The following PCDHGA6 variants were observed in gnomAD, a reference collection of about 807,000 sequenced individuals.
The protein encoded by PCDHGA6 is protocadherin gamma-A6.
In PCDHGA6, 41 loss-of-function variants were observed where a neutral mutation model predicts 60.6. The observed-to-expected ratio is 0.68, with a 90% CI of 0.53 to 0.88. The LOEUF (loss-of-function observed/expected upper bound fraction) is 0.88, where lower values mean the gene tolerates loss of function less well. Ranked by LOEUF, PCDHGA6 falls within the 40% of genes least tolerant of loss-of-function variation. The probability of loss-of-function intolerance (pLI) is 0.00; values close to 1 mark genes in which losing one functional copy is unlikely to be tolerated. For missense variants in PCDHGA6, 1,312 were observed against 1,203.0 expected (o/e 1.09, Z -1.34); for synonymous variants, 594 against 524.4 (o/e 1.13, Z -1.81).
chr5:141,478,799 CTT>C, intron 1 of PCDHGA6: 1 of 1,463,738 alleles, frequency 6.8e-7, no homozygotes, highest in Non-Finnish European at 9.0e-7. Flanking sequence ...CCTCAGCACT[CTT>C]TTGCTATCAC....
intron 1 of PCDHGA6, chr5:141,394,168 T>A (rs1291860578): frequency 1.7e-5 from 27 of 1,613,634 alleles, no homozygotes; most frequent in Non-Finnish European, 2.2e-5. Flanking sequence ...CCTCCTACTT[T>A]CCCTCATGCC....
In PCDHGA6 at chr5:141,393,293, G is replaced by A. The variant is rs774531655; in HGVS notation, c.2424+16786G>A. On this transcript the variant is annotated intron_variant, in intron 1 of 3. Coordinates refer to ENST00000517434, the MANE Select transcript of PCDHGA6 (RefSeq NM_018919.3). ...ATCCACTCCCAGAAGCTGTTGACCC[G>A]GATGTGGGCGTGAACTCCCTCCAGA... 6.2e-6 allele frequency: 10 copies of A among 1,613,918 alleles called. No homozygotes were observed. The Admixed American group carries it at 8.3e-5, about 13-fold the overall frequency.
chr5:141,431,709 T>C lies in PCDHGA6; in HGVS notation c.2424+55202T>C. On this transcript the variant is annotated intron_variant, in intron 1 of 3. Coordinates refer to ENST00000517434, the MANE Select transcript of PCDHGA6 (RefSeq NM_018919.3). This position sits in a 1 kb window ranked among gnomAD's most constrained non-coding sequence, Gnocchi z 4.8. ...CACGAGGAGTCAGGATTCTACCAGA[T>C]GGAAGTGCAAGCAATGGATAATGCA... The C allele has an allele frequency of 6.2e-7, 1 of 1,614,168 alleles. No individual in the cohort carries two copies. Among genetic ancestry groups the C allele is most frequent in the Non-Finnish European group, 8.5e-7 (1 of 1,180,018 alleles).
At chr5:141,446,461 A>G (rs1273508266) in intron 1 of PCDHGA6, among the ~76,000 whole-genome samples, 1 of 151,298 alleles carries the variant, frequency 6.6e-6, no homozygotes, top group Non-Finnish European at 1.5e-5. Flanking sequence ...TCAGTGTGTG[A>G]TTAGACATAT....
chr5:141,403,324 T>C (rs769971532), intron 1 of PCDHGA6: 9 of 1,613,974 alleles, frequency 5.6e-6, no homozygotes, highest in Non-Finnish European at 6.8e-6. Context: ...TAGAAGTAAC[T>C]GATATTAACG....
At chr5:141,402,910 G>A in intron 1 of PCDHGA6, 2 of 1,549,722 alleles carry the variant, frequency 1.3e-6, no homozygotes, top group Non-Finnish European at 1.7e-6. Context: ...ATGAAGCAGC[G>A]CGCACAGAGA....
At chr5:141,451,365 G>A (rs557753113) in intron 1 of PCDHGA6, among the ~76,000 whole-genome samples, 2 of 152,234 alleles carry the variant, frequency 1.3e-5, no homozygotes, top group South Asian at 4.1e-4. Context: ...GGATGGATCC[G>A]CTTCTAATCT....
intron 1 of PCDHGA6, chr5:141,400,208 T>G: frequency 6.2e-7 from 1 of 1,614,042 alleles, no homozygotes; most frequent in South Asian, 1.1e-5. Context: ...GCCTTGGCCT[T>G]GATCTCAGTG....
rs775963212 is a variant in PCDHGA6, at chr5:141,485,463, G to T, written c.2425-9344G>T. ...CCAATCGACCGAGAGGCACTGTGTG[G>T]GCTCAGTGCCAGCTGCATCGTGCCC... On this transcript the variant is annotated intron_variant, in intron 1 of 3. Coordinates refer to ENST00000517434, the MANE Select transcript of PCDHGA6 (RefSeq NM_018919.3). The surrounding 1 kb of genome is among the most constrained non-coding windows in gnomAD (Gnocchi z 5.7). The T allele has an allele frequency of 1.2e-6, 2 of 1,614,086 alleles. No individual in the cohort carries two copies. The highest frequency in any genetic ancestry group is 3.3e-5 in the Admixed American group (2 of 60,026).
intron 1 of PCDHGA6, chr5:141,418,952 G>T: frequency 1.9e-6 from 3 of 1,614,050 alleles, no homozygotes; most frequent in Non-Finnish European, 2.5e-6. Context: ...TCCAGGAGTG[G>T]TTGTTGCCCT....
chr5:141,484,591 T>C (rs2099597977), intron 1 of PCDHGA6, among the ~76,000 whole-genome samples: 1 of 152,020 alleles, frequency 6.6e-6, no homozygotes, highest in African/African-American at 2.4e-5. Flanking sequence ...AAGCTACTCA[T>C]TTAGAATACT....
At chr5:141,435,728 A>T (rs549219746) in intron 1 of PCDHGA6, among the ~76,000 whole-genome samples, 1 of 152,200 alleles carries the variant, frequency 6.6e-6, no homozygotes, top group Non-Finnish European at 1.5e-5. Flanking sequence ...GCTAAAGTGT[A>T]TTACTCTTTG....
At position 141,414,140 on chromosome 5, in the gene PCDHGA6, A is replaced by G. The variant is rs764980296; in HGVS notation, c.2424+37633A>G. ...GAAGAAACCGGTTTCTATGAAATAG[A>G]AATACAAGCAGAAGATGGAGGAGCA... On this transcript the variant is annotated intron_variant, in intron 1 of 3. Transcript: ENST00000517434. 4 of 1,596,912 alleles carry G rather than the reference A, an allele frequency of 2.5e-6. No individual in the cohort carries two copies. In the African/African-American group the frequency reaches 5.4e-5, roughly 21 times the overall value.
rs373558342 is a variant in PCDHGA6 at position 141,374,559 on chromosome 5, A to C, written c.476A>C (p.Asp159Ala). 1.1e-4 allele frequency: 170 copies of C among 1,613,544 alleles called. No homozygotes were observed. The highest frequency in any genetic ancestry group is 1.3e-4 in the Non-Finnish European group (153 of 1,179,694). Reference protein sequence around the residue: ...SSRFPLMEVYDPDVGMNSLQG... With the variant: ...SSRFPLMEVYAPDVGMNSLQG... ...CGTTTTCCACTAATGGAGGTCTATG[A>C]CCCTGATGTGGGAATGAACTCCCTT... is the stretch of plus-strand genomic sequence containing the variant. The change falls in exon 1 of 4, where the codon GAC (aspartate) becomes GCC (alanine). Residue 159 changes from aspartate (D) to alanine (A), a missense_variant. By Grantham distance (126) the Asp-to-Ala change is moderately radical (BLOSUM62 -2). Coordinates refer to ENST00000517434, the MANE Select transcript of PCDHGA6 (RefSeq NM_018919.3).
rs371821042 is a variant in PCDHGA6, at chr5:141,421,764, T to C, written c.2424+45257T>C. The C allele has an allele frequency of 8.7e-6, 14 of 1,613,782 alleles. No individual in the cohort carries two copies. The African/African-American group carries it at 1.5e-4, about 17-fold the overall frequency. ...ACCAGCTCAGCCCTAATAATTACTT[T>C]TCCTTGCAACTGCGGGGCAGAACGG... On this transcript the variant is annotated intron_variant, in intron 1 of 3. Transcript: ENST00000517434.
At position 141,421,448 on chromosome 5, in the gene PCDHGA6, A is replaced by G. The variant is rs772957069; in HGVS notation, c.2424+44941A>G. On this transcript the variant is annotated intron_variant, in intron 1 of 3. Coordinates refer to ENST00000517434, the MANE Select transcript of PCDHGA6 (RefSeq NM_018919.3). ...CGCATCGTCTCCAGAGGGAAGACAC[A>G]GCTTTTCGCTGTGAATCCGCGAAGC... The G allele has an allele frequency of 7.8e-5, 126 of 1,614,014 alleles. No individual in the cohort carries two copies. The highest frequency in any genetic ancestry group is 1.0e-4 in the Non-Finnish European group (119 of 1,179,944).
At chr5:141,445,524 TA>T (rs1180348783) in intron 1 of PCDHGA6, among the ~76,000 whole-genome samples, 1 of 152,192 alleles carries the variant, frequency 6.6e-6, no homozygotes, top group Admixed American at 6.5e-5. Flanking sequence ...ACAGGTCTGA[TA>T]AAAGCCAACA....
In PCDHGA6 at chr5:141,511,149, G is replaced by T; in HGVS notation, c.2775G>T (p.Lys925Asn). The change falls in exon 4 of 4, where the codon AAG becomes AAT. Residue 925 changes from lysine to asparagine, a missense_variant. By Grantham distance (94) the Lys-to-Asn change is moderately conservative. Transcript: ENST00000517434. ...APAGGNGNKKKSGKKEKK is the reference protein window; with the variant it reads ...APAGGNGNKKNSGKKEKK The stretch of plus-strand genomic sequence containing the variant: ...CAGGTGGCAATGGCAACAAGAAGAA[G>T]TCGGGCAAGAAGGAGAAGAAGTAAC... 1 of 1,614,176 alleles carries T rather than the reference G, an allele frequency of 6.2e-7. No homozygotes were observed. The highest frequency in any genetic ancestry group is 8.5e-7 in the Non-Finnish European group (1 of 1,179,998).
At chr5:141,508,737 C>G (rs919094477) in intron 3 of PCDHGA6, among the ~76,000 whole-genome samples, 2 of 152,010 alleles carry the variant, frequency 1.3e-5, no homozygotes, top group Non-Finnish European at 2.9e-5. Flanking sequence ...CTACACCCCC[C>G]ACCCCGCTCT....
Sources: gnomAD v4.1 joint callset for allele counts (sites outside exome capture counted in the v4.1 genomes callset) on GRCh38, gnomAD v4.1.1 for gene constraint, Gnocchi (gnomAD v3.1) non-coding constraint, MANE v1.5 for transcripts, NCBI Gene and HGNC (gene_info 2026-07-23, HGNC 2026-07-21) for gene names.